The following PPME1 variants were observed in gnomAD, a reference collection of about 807,000 sequenced individuals.
PPME1 encodes protein phosphatase methylesterase 1, also known as testicular secretory protein Li 39.
A neutral mutation model predicts 56.9 loss-of-function variants in PPME1; 17 were observed. The ratio of observed to expected loss-of-function variants is 0.30; its 90% CI spans 0.20 to 0.45. PPME1 has a LOEUF of 0.45. PPME1 is among the 20% of genes least tolerant of loss of function. The pLI, the probability that PPME1 is intolerant of heterozygous loss-of-function variation, is 1.00. For synonymous variants in PPME1, 122 were observed against 156.2 expected, an observed-to-expected ratio of 0.78 and a Z score of 1.63; for missense variants, 357 against 483.2, an observed-to-expected ratio of 0.74 and a Z score of 2.45.
chr11:74,194,609 A>G (rs1436452035), intron 1 of PPME1, among the ~76,000 whole-genome samples: 1 of 151,572 alleles, frequency 6.6e-6, no homozygotes, highest in Non-Finnish European at 1.5e-5. Context: ...TATAAATATA[A>G]CATCTATTTA....
chr11:74,236,142 T>G (rs529920755), intron 8 of PPME1, among the ~76,000 whole-genome samples, 176 bp downstream of exon 8: 8 of 152,380 alleles, frequency 5.3e-5, no homozygotes, highest in Non-Finnish European at 8.8e-5. Context: ...TCGCCTGCCT[T>G]CCTTTCTCTC....
At chr11:74,197,630 TG>T (rs1270804614) in intron 1 of PPME1, among the ~76,000 whole-genome samples, 2 of 152,296 alleles carry the variant, frequency 1.3e-5, no homozygotes, top group East Asian at 3.9e-4. Context: ...AAGGCAGAAC[TG>T]GGTTGTGAAA....
At chr11:74,212,986 T>G (rs562026074) in intron 3 of PPME1, among the ~76,000 whole-genome samples, 1 of 152,210 alleles carries the variant, frequency 6.6e-6, no homozygotes, top group African/African-American at 2.4e-5. Flanking sequence ...GAGTAAAGAC[T>G]TCATGTTGCA....
At chr11:74,197,253 T>G (rs1858008753) in intron 1 of PPME1, among the ~76,000 whole-genome samples, 1 of 152,206 alleles carries the variant, frequency 6.6e-6, no homozygotes, top group Non-Finnish European at 1.5e-5. Context: ...GAAACCCAGC[T>G]AAGTGCTTTA....
chr11:74,213,123 C>T (rs569922604), intron 3 of PPME1, among the ~76,000 whole-genome samples: 1 of 151,952 alleles, frequency 6.6e-6, no homozygotes, highest in African/African-American at 2.4e-5. Context: ...AGAGGCAGTC[C>T]CAGGCCTGAC....
chr11:74,192,537 G>A (rs1857867284), intron 1 of PPME1, among the ~76,000 whole-genome samples: 1 of 152,030 alleles, frequency 6.6e-6, no homozygotes, highest in African/African-American at 2.4e-5. Flanking sequence ...AGGGGCCAGG[G>A]GCAGAATGAT....
chr11:74,242,759 G>A lies in PPME1; in HGVS notation c.835-3317G>A, dbSNP rs377298126. Among the ~76,000 whole-genome samples, 971 of 151,490 alleles carry A rather than the reference G, an allele frequency of 6.4e-3. 4 individuals carry two copies. The highest frequency in any genetic ancestry group is 0.02 in the Middle Eastern group (6 of 294). On this transcript the variant is annotated intron_variant, in intron 9 of 13. Coordinates refer to ENST00000328257, the MANE Select transcript of PPME1 (RefSeq NM_016147.3). ...CTGGGCGTGGTGGCGTGCGTCTGTAGTCCCAGCTACTCGGGAGGCTGAGGC... is the reference window on the plus strand; with the variant it reads ...CTGGGCGTGGTGGCGTGCGTCTGTAATCCCAGCTACTCGGGAGGCTGAGGC...
intron 7 of PPME1, among the ~76,000 whole-genome samples, chr11:74,232,611 C>G (rs1395893660): frequency 6.6e-6 from 1 of 151,930 alleles, no homozygotes; most frequent in Non-Finnish European, 1.5e-5. Context: ...GCAGTAACAA[C>G]AAGTGAGAAA....
At chr11:74,227,052 G>GA (rs900455190) in intron 5 of PPME1, among the ~76,000 whole-genome samples, 2 of 152,094 alleles carry the variant, frequency 1.3e-5, no homozygotes, top group African/African-American at 4.8e-5. Context: ...AGGGTATAGG[G>GA]AAAGCTATTC....
chr11:74,196,958 G>A (rs1036748215), intron 1 of PPME1, among the ~76,000 whole-genome samples: 1 of 152,190 alleles, frequency 6.6e-6, no homozygotes, highest in African/African-American at 2.4e-5. Context: ...GGCTAGGAAT[G>A]CCTAACTTTC....
chr11:74,200,981 T>G (rs1165008920), intron 1 of PPME1, among the ~76,000 whole-genome samples: 1 of 151,298 alleles, frequency 6.6e-6, no homozygotes, highest in Non-Finnish European at 1.5e-5. Context: ...TTTTTTCTTT[T>G]TTCTTTTTTT....
intron 3 of PPME1, among the ~76,000 whole-genome samples, chr11:74,207,970 G>C (rs1858368907): frequency 6.6e-6 from 1 of 152,156 alleles, no homozygotes; most frequent in Non-Finnish European, 1.5e-5. Flanking sequence ...AATATTTACT[G>C]AGTATATTCT....
At chr11:74,232,952 C>A (rs116071420) in intron 7 of PPME1, among the ~76,000 whole-genome samples, 3 of 150,348 alleles carry the variant, frequency 2.0e-5, no homozygotes, top group African/African-American at 4.9e-5. Flanking sequence ...TCTGCCTGCC[C>A]GCCTCGGCCT....
intron 4 of PPME1, chr11:74,222,623 G>T: frequency 4.9e-6 from 2 of 410,382 alleles, no homozygotes; most frequent in South Asian, 2.3e-5. Context: ...CCAGTAGCTG[G>T]GATTACAGGT....
rs778619360 is a variant in PPME1 at position 74,203,713 on chromosome 11, CT to C, written c.102-7del. 6.3e-6 allele frequency: 10 copies of C among 1,591,354 alleles called. No homozygotes were observed. Among genetic ancestry groups the C allele is most frequent in the African/African-American group, 2.7e-5 (2 of 73,894 alleles). On this transcript the variant is annotated splice_polypyrimidine_tract_variant and intron_variant, in intron 1 of 13. Transcript: ENST00000328257. ...CATAATTTTTCTGAAATGTCTCTCTCTTTTTTTTCCTCAGCCCTGGAAGAAA... is the reference window on the plus strand; with the variant it reads ...CATAATTTTTCTGAAATGTCTCTCTCTTTTTTTCCTCAGCCCTGGAAGAAA...
chr11:74,227,938 A>G (rs1010311575), intron 5 of PPME1, among the ~76,000 whole-genome samples: 3 of 152,088 alleles, frequency 2.0e-5, no homozygotes, highest in African/African-American at 7.2e-5. Flanking sequence ...ACCTTTGTGC[A>G]TGAGGCAGAT....
In PPME1 at chr11:74,213,240, G is replaced by C. The variant is rs79776348; in HGVS notation, c.288+8795G>C. ...TGGGGTAGTTGTAGCCATGGGGAGAGACTATGCTTGTGGAAAGGATAGGGA... is the reference window on the plus strand; with the variant it reads ...TGGGGTAGTTGTAGCCATGGGGAGACACTATGCTTGTGGAAAGGATAGGGA... On this transcript the variant is annotated intron_variant, in intron 3 of 13. Coordinates refer to ENST00000328257, the MANE Select transcript of PPME1 (RefSeq NM_016147.3). Among the ~76,000 whole-genome samples, 1,280 of 152,288 alleles carry C rather than the reference G, an allele frequency of 8.4e-3. 10 individuals are homozygous for C. The highest frequency in any genetic ancestry group is 0.028 in the African/African-American group (1,181 of 41,556).
intron 5 of PPME1, among the ~76,000 whole-genome samples, chr11:74,227,410 G>A (rs1158593277): frequency 6.6e-6 from 1 of 151,908 alleles, no homozygotes; most frequent in Admixed American, 6.6e-5. Context: ...CGAACAAATT[G>A]GATTCTTGCT....
chr11:74,222,169 A>AT (rs1366379294), intron 3 of PPME1, 143 bp from the exon 4 acceptor site: 1 of 648,640 alleles, frequency 1.5e-6, no homozygotes, highest in East Asian at 2.8e-5. Context: ...TCATTCTTTC[A>AT]TTTTGCTTAA....
Sources: allele counts gnomAD v4.1 joint callset (sites outside exome capture counted in the v4.1 genomes callset), GRCh38; gene constraint gnomAD v4.1.1; transcripts MANE v1.5; gene names NCBI Gene and HGNC (gene_info 2026-07-23, HGNC 2026-07-21).